The following APBB2 variants were observed in gnomAD, a reference collection of about 807,000 sequenced individuals.
APBB2 encodes the protein amyloid beta precursor protein binding family B member 2.
In APBB2, 38 loss-of-function variants were observed where a neutral mutation model predicts 82.5. The ratio of observed to expected loss-of-function variants is 0.46; its 90% CI spans 0.36 to 0.60. The LOEUF (loss-of-function observed/expected upper bound fraction) is 0.60, where lower values mean the gene tolerates loss of function less well. APBB2 is among the 20% of genes least tolerant of loss of function. The pLI is 0.00. For missense variants in APBB2, 772 were observed against 972.3 expected (o/e 0.79, Z 2.74); for synonymous variants, 341 against 368.2 (o/e 0.93, Z 0.85).
Position 40,832,004 on chromosome 4 carries a change from T to A in APBB2, c.1530-1427A>T, listed in dbSNP as rs1421284587. 2.6e-5 allele frequency among the ~76,000 whole-genome samples: 1 copy of A among 38,702 alleles called. No individual in the cohort carries two copies. Among genetic ancestry groups the A allele is most frequent in the African/African-American group, 1.1e-4 (1 of 9,490 alleles). 25.4% of individuals were successfully genotyped at this position (38,702 alleles called of 152,430 possible). A position where few individuals can be genotyped will look rare whatever the true frequency, so the allele number is the denominator to read the frequency against. ...TTTACACACACACATATTTATATAT[T>A]TATTTATATACACACACACACACAC... On this transcript the variant is annotated intron_variant, in intron 12 of 17. Transcript: ENST00000508593. The surrounding 1 kb of genome is among the most constrained non-coding windows in gnomAD (Gnocchi z 4.8).
At chr4:40,978,811 AT>A (rs1797801200) in intron 6 of APBB2, among the ~76,000 whole-genome samples, 1 of 152,242 alleles carries the variant, frequency 6.6e-6, no homozygotes, top group South Asian at 2.1e-4. Context: ...TTAGTAACTA[AT>A]TCGTATACAC....
intron 10 of APBB2, among the ~76,000 whole-genome samples, chr4:40,911,864 A>G (rs1253087203): frequency 6.6e-6 from 1 of 151,984 alleles, no homozygotes; most frequent in Admixed American, 6.6e-5. Context: ...GATCTAGATA[A>G]CTCATTGTCA....
intron 5 of APBB2, among the ~76,000 whole-genome samples, chr4:41,022,142 A>AGATGT (rs1271267292): frequency 6.6e-6 from 1 of 152,248 alleles, no homozygotes; most frequent in Non-Finnish European, 1.5e-5. Flanking sequence ...ACAGAGGAAC[A>AGATGT]GATGTGAAGG....
At position 41,198,508 on chromosome 4, in the gene APBB2, T is replaced by C; in HGVS notation, c.-417+15897A>G. Among the ~76,000 whole-genome samples, 476 of 152,300 alleles carry C rather than the reference T, an allele frequency of 3.1e-3. 3 individuals are homozygous for C. Among genetic ancestry groups the C allele is most frequent in the African/African-American group, 0.011 (447 of 41,566 alleles). On this transcript the variant is annotated intron_variant, in intron 1 of 17. Transcript: ENST00000508593. ...CCTCAAAACAACTATAGGAAGATGG[T>C]GTTCTTTTTAGTCCTATTTTACAGA...
chr4:41,033,819 A>G lies in APBB2; in HGVS notation c.-50-515T>C, dbSNP rs1718053727. Among the ~76,000 whole-genome samples the G allele has an allele frequency of 2.0e-5, 3 of 152,244 alleles. No homozygotes were observed. The South Asian group carries it at 6.2e-4, about 32-fold the overall frequency. On this transcript the variant is annotated intron_variant, in intron 4 of 17. Transcript: ENST00000508593. ...GTTCCTTAAAACCATTAAGAAAAAT[A>G]TGAACAAGTCTGTAGGAGAATAAGA...
intron 1 of APBB2, among the ~76,000 whole-genome samples, chr4:41,161,127 A>G (rs1765030013): frequency 6.8e-6 from 1 of 146,242 alleles, no homozygotes; most frequent in African/African-American, 2.5e-5. Context: ...TCAAACTGAC[A>G]GCATGTATTA....
intron 5 of APBB2, among the ~76,000 whole-genome samples, chr4:41,017,731 C>G (rs183294350): frequency 2.0e-5 from 3 of 152,156 alleles, no homozygotes; most frequent in Non-Finnish European, 4.4e-5. Flanking sequence ...GATTACCCCC[C>G]ACTCTAATTG....
chr4:40,919,209 A>G, intron 10 of APBB2, among the ~76,000 whole-genome samples: 1 of 151,864 alleles, frequency 6.6e-6, no homozygotes, highest in South Asian at 2.1e-4. Context: ...TACGTTAAGT[A>G]AAAAATCTAC....
chr4:41,138,297 G>A (rs1758152306), intron 2 of APBB2: 2 of 152,146 alleles, frequency 1.3e-5, no homozygotes, highest in Admixed American at 1.3e-4. Context: ...ACTGAATTTT[G>A]TTACAATTAA....
rs1560446815 is a variant in APBB2 at position 40,982,301 on chromosome 4, G to GAAAGAAA, written c.835+31281_835+31282insTTTCTTT. 2.5e-3 allele frequency among the ~76,000 whole-genome samples: 58 copies of GAAAGAAA among 22,804 alleles called. 3 individuals carry two copies. The highest frequency in any genetic ancestry group is 3.2e-3 in the Non-Finnish European group (34 of 10,592). 15.0% of individuals were successfully genotyped at this position (22,804 alleles called of 152,430 possible). A position where few individuals can be genotyped will look rare whatever the true frequency, so the allele number is the denominator to read the frequency against. ...AAGAAAGAAGGAAGGAAGGAAGGAA[G>GAAAGAAA]GAAGGAAAGAAAGAAAGAAAGAAAA... On this transcript the variant is annotated intron_variant, in intron 6 of 17. Transcript: ENST00000508593.
At chr4:40,818,191 G>A (rs368345616) in intron 17 of APBB2, among the ~76,000 whole-genome samples, 4 of 152,222 alleles carry the variant, frequency 2.6e-5, no homozygotes, top group African/African-American at 7.2e-5. Flanking sequence ...AGAATCATGC[G>A]GATTTGAACT....
chr4:41,014,096 G>A lies in APBB2; in HGVS notation c.322C>T (p.Arg108Cys), dbSNP rs1408680059. 2 of 1,614,072 alleles carry A rather than the reference G, an allele frequency of 1.2e-6. No individual in the cohort carries two copies. The highest frequency in any genetic ancestry group is 1.3e-5 in the African/African-American group (1 of 74,926). Reference sequence around the variant, plus strand: ...TGCTGCCCTTGCTCTGCAGCCTTACGGAGCTGGTTCTCCCCATTTTTCACC... The same window carrying A: ...TGCTGCCCTTGCTCTGCAGCCTTACAGAGCTGGTTCTCCCCATTTTTCACC... ...KLVKNGENQL[R>C]KAAEQGQQDP... is the part of the protein sequence containing the mutation. The change falls in exon 6 of 18, where the codon CGT becomes TGT. Residue 108 changes from arginine to cysteine, a missense_variant. Physicochemically the swap from Arg to Cys is radical, Grantham distance 180 (BLOSUM62 -3). Transcript: ENST00000508593.
At chr4:41,044,579 T>A (rs373634739) in intron 4 of APBB2, among the ~76,000 whole-genome samples, 26 of 152,326 alleles carry the variant, frequency 1.7e-4, no homozygotes, top group African/African-American at 6.3e-4. Flanking sequence ...TTCATAAGTT[T>A]GTGTTCTTTA....
chr4:41,003,647 TG>T (rs1316127429), intron 6 of APBB2, among the ~76,000 whole-genome samples: 2 of 152,182 alleles, frequency 1.3e-5, no homozygotes, highest in African/African-American at 4.8e-5. Context: ...ACCAGAAGCT[TG>T]GAAGAGGCAA....
At chr4:40,891,534 T>C (rs1402660441) in intron 11 of APBB2, among the ~76,000 whole-genome samples, 2 of 152,206 alleles carry the variant, frequency 1.3e-5, no homozygotes, top group African/African-American at 4.8e-5. Context: ...TGGGGAATGA[T>C]GTTTTAGTTT....
intron 12 of APBB2, among the ~76,000 whole-genome samples, chr4:40,870,880 A>G (rs915208083): frequency 2.6e-5 from 4 of 151,804 alleles, no homozygotes; most frequent in African/African-American, 7.3e-5. Flanking sequence ...TAACAGGTGC[A>G]TGACACCACA....
At chr4:41,206,359 AC>A (rs1232838122) in intron 1 of APBB2, among the ~76,000 whole-genome samples, 1 of 152,118 alleles carries the variant, frequency 6.6e-6, no homozygotes, top group Non-Finnish European at 1.5e-5. Context: ...GCACCCTATA[AC>A]CAATGTTCTG....
At chr4:40,882,230 A>AG (rs1285265047) in intron 12 of APBB2, among the ~76,000 whole-genome samples, 4 of 152,164 alleles carry the variant, frequency 2.6e-5, no homozygotes, top group Non-Finnish European at 4.4e-5. Flanking sequence ...AACTGTTAAG[A>AG]GGGGGGCTCT....
At chr4:41,092,661 C>T (rs1742157435) in intron 3 of APBB2, among the ~76,000 whole-genome samples, 1 of 150,650 alleles carries the variant, frequency 6.6e-6, no homozygotes, top group Non-Finnish European at 1.5e-5. Flanking sequence ...TGCACTCCAG[C>T]CTGGGCAACA....
Sources: allele counts gnomAD v4.1 joint callset (sites outside exome capture counted in the v4.1 genomes callset), GRCh38; gene constraint gnomAD v4.1.1; non-coding constraint Gnocchi (gnomAD v3.1); transcripts MANE v1.5; gene names NCBI Gene and HGNC (gene_info 2026-07-23, HGNC 2026-07-21).